The following LDLRAD4 variants were observed in gnomAD, a reference collection of about 807,000 sequenced individuals.
LDLRAD4 encodes the protein low density lipoprotein receptor class A domain containing 4.
A neutral mutation model predicts 17.0 loss-of-function variants in LDLRAD4; 5 were observed. The observed-to-expected ratio is 0.29, with a 90% CI of 0.15 to 0.62. LDLRAD4 has a LOEUF of 0.62. Among genes scored for constraint, LDLRAD4 ranks in the 20% least tolerant of loss-of-function variants. The pLI is 0.84. For synonymous variants in LDLRAD4, 168 were observed against 171.8 expected (o/e 0.98, Z 0.17); for missense variants, 340 against 424.7 (o/e 0.80, Z 1.75).
chr18:13,342,632 A>T (rs1032076751), intron 1 of LDLRAD4, among the ~76,000 whole-genome samples: 14 of 151,124 alleles, frequency 9.3e-5, no homozygotes, highest in Non-Finnish European at 1.6e-4. Flanking sequence ...ATTTTGCCTG[A>T]TATTAGTATA....
intron 3 of LDLRAD4, among the ~76,000 whole-genome samples, chr18:13,503,597 AAGC>A (rs1252581231): frequency 6.6e-6 from 1 of 152,174 alleles, no homozygotes; most frequent in Admixed American, 6.5e-5. Flanking sequence ...ATCCAGTGGA[AAGC>A]AGCCCCATGT....
rs1389821531 is a variant in LDLRAD4 at position 13,483,631 on chromosome 18, T to G, written c.181+45247T>G. Among the ~76,000 whole-genome samples, 3 of 152,302 alleles carry G rather than the reference T, an allele frequency of 2.0e-5. No homozygotes were observed. The East Asian group carries it at 5.8e-4, about 29-fold the overall frequency. On this transcript the variant is annotated intron_variant, in intron 3 of 5. Coordinates refer to ENST00000359446, the Ensembl canonical transcript of LDLRAD4. ...CCCTAGTCGGCAAGCTAGGATGTGTTTGCCGGATGCTTACCAAACGCCAGA... is the reference window on the plus strand; with the variant it reads ...CCCTAGTCGGCAAGCTAGGATGTGTGTGCCGGATGCTTACCAAACGCCAGA...
Position 13,381,076 on chromosome 18 carries a change from G to GTT in LDLRAD4, c.-382-6250_-382-6249dup, listed in dbSNP as rs759672017. Among the ~76,000 whole-genome samples, 162 of 128,442 alleles carry GTT rather than the reference G, an allele frequency of 1.3e-3. 11 individuals are homozygous for GTT. The highest frequency in any genetic ancestry group is 1.9e-3 in the Admixed American group (23 of 12,114). 84.3% of individuals were successfully genotyped at this position (128,442 alleles called of 152,430 possible). A position where few individuals can be genotyped will look rare whatever the true frequency, so the allele number is the denominator to read the frequency against. On this transcript the variant is annotated intron_variant, in intron 1 of 5. Coordinates refer to ENST00000359446, the Ensembl canonical transcript of LDLRAD4. The stretch of plus-strand genomic sequence containing the variant: ...TGTCCCTTTCTTTTGTTTCTCTTTA[G>GTT]TTTTTTTTTTTTTTTTGAAGAGACA...
chr18:13,532,949 G>A (rs1008913262), intron 3 of LDLRAD4, among the ~76,000 whole-genome samples: 3 of 152,210 alleles, frequency 2.0e-5, no homozygotes, highest in African/African-American at 7.2e-5. Flanking sequence ...AGCAATGTCG[G>A]GTTTTCTGAA....
Position 13,622,061 on chromosome 18 carries a change from C to A in LDLRAD4, c.336+790C>A, listed in dbSNP as rs2040708072. 2.6e-5 allele frequency among the ~76,000 whole-genome samples: 4 copies of A among 152,226 alleles called. No individual in the cohort carries two copies. Among genetic ancestry groups the A allele is most frequent in the Admixed American group, 2.6e-4 (4 of 15,290 alleles). ...TCCGTGATGGGCAGCGAGGCCGAGT[C>A]TCCACAGTGTGGAGCCCTGCGGTAT... is the stretch of plus-strand genomic sequence containing the variant. On this transcript the variant is annotated intron_variant, in intron 4 of 5. Coordinates refer to ENST00000359446, the Ensembl canonical transcript of LDLRAD4. The surrounding 1 kb of genome is among the most constrained non-coding windows in gnomAD (Gnocchi z 5.3).
At chr18:13,559,349 C>A (rs10853237) in intron 3 of LDLRAD4, among the ~76,000 whole-genome samples, 91,566 of 152,006 alleles carry the variant, frequency 0.6, 27,694 homozygotes, top group Non-Finnish European at 0.62. Context: ...GAAGAGGGAA[C>A]CTGCCTTGAA....
rs2090644910 is a variant in LDLRAD4 at position 13,436,237 on chromosome 18, A to C, written c.41-2007A>C. On this transcript the variant is annotated intron_variant, in intron 2 of 5. Coordinates refer to ENST00000359446, the Ensembl canonical transcript of LDLRAD4. ...AAGAGGGCTAGCTCATTCACTTCCG[A>C]GTTTCCATGTCTCAGTACCTAGCAC... Among the ~76,000 whole-genome samples, 4 of 152,336 alleles carry C rather than the reference A, an allele frequency of 2.6e-5. No homozygotes were observed. The South Asian group carries it at 8.3e-4, about 32-fold the overall frequency.
At chr18:13,339,942 T>C (rs376317038) in intron 1 of LDLRAD4, among the ~76,000 whole-genome samples, 1 of 152,196 alleles carries the variant, frequency 6.6e-6, no homozygotes, top group East Asian at 1.9e-4. Context: ...CACTAAGCCC[T>C]GATTTTGCCC....
intron 3 of LDLRAD4, among the ~76,000 whole-genome samples, chr18:13,527,676 C>T (rs1306769177): frequency 1.3e-5 from 2 of 152,292 alleles, no homozygotes; most frequent in South Asian, 2.1e-4. Context: ...GAGAGAGCTC[C>T]GCTGGAGGGA....
chr18:13,625,699 C>A (rs1204355640), intron 4 of LDLRAD4, among the ~76,000 whole-genome samples: 6 of 147,722 alleles, frequency 4.1e-5, no homozygotes, highest in Admixed American at 4.0e-4. Context: ...CTCCTCCCCC[C>A]GCCAGAGGCC....
At chr18:13,270,910 G>A (rs921479739) in intron 1 of LDLRAD4, among the ~76,000 whole-genome samples, 1 of 152,180 alleles carries the variant, frequency 6.6e-6, no homozygotes, top group African/African-American at 2.4e-5. Context: ...CCCAGAGTGT[G>A]TTTGTGTACA....
chr18:13,463,492 G>C (rs971567082), intron 3 of LDLRAD4, among the ~76,000 whole-genome samples: 10 of 152,194 alleles, frequency 6.6e-5, no homozygotes, highest in Non-Finnish European at 1.5e-4. Flanking sequence ...GCTCAAACAG[G>C]CTTAAAAACA....
chr18:13,481,126 C>G (rs1331127798), intron 3 of LDLRAD4, among the ~76,000 whole-genome samples: 1 of 152,222 alleles, frequency 6.6e-6, no homozygotes, highest in Non-Finnish European at 1.5e-5. Flanking sequence ...TGAGCCTGAC[C>G]TGGAAGCTGA....
At position 13,645,494 on chromosome 18, in the gene LDLRAD4, C is replaced by T. The variant is rs552566770; in HGVS notation, c.758C>T (p.Pro253Leu). The stretch of plus-strand genomic sequence containing the variant: ...AACGGGAGGATGGAGGGGCCACCCC[C>T]CACATACAGCGAGGTGATGGGCCAC... The change falls in exon 6 of 6, where the codon CCC becomes CTC. Residue 253 changes from proline to leucine, a missense_variant. Pro to Leu is a moderately conservative substitution (Grantham distance 98, BLOSUM62 -3). Transcript: ENST00000359446. This position sits in a 1 kb window ranked among gnomAD's most constrained non-coding sequence, Gnocchi z 5.7. The T allele has an allele frequency of 6.2e-7, 1 of 1,610,682 alleles. No individual in the cohort carries two copies. The highest frequency in any genetic ancestry group is 1.3e-5 in the African/African-American group (1 of 75,012).
intron 2 of LDLRAD4, among the ~76,000 whole-genome samples, chr18:13,435,447 T>C (rs2146110126): frequency 6.6e-6 from 1 of 152,312 alleles, no homozygotes; most frequent in African/African-American, 2.4e-5. Context: ...TTGATTTTTT[T>C]TAATTTTTAA....
At chr18:13,499,166 G>C (rs758303443) in intron 3 of LDLRAD4, among the ~76,000 whole-genome samples, 1 of 149,840 alleles carries the variant, frequency 6.7e-6, no homozygotes, top group African/African-American at 2.5e-5. Flanking sequence ...ACGTCGCGCC[G>C]TGGACACTGG....
chr18:13,431,241 C>G lies in LDLRAD4; in HGVS notation c.41-7003C>G, dbSNP rs530999683. ...GGGTGACGTCGTTTCAAACTCTTCT[C>G]CCATGTCCATTGCACTTATTGATAT... is the stretch of plus-strand genomic sequence containing the variant. On this transcript the variant is annotated intron_variant, in intron 2 of 5. Transcript: ENST00000359446. Among the ~76,000 whole-genome samples the G allele has an allele frequency of 3.3e-5, 5 of 152,322 alleles. No individual in the cohort carries two copies. The South Asian group carries it at 1.0e-3, about 32-fold the overall frequency.
At chr18:13,226,179 G>GTTTTTTTTTTTTTTTT (rs1243883704) in intron 1 of LDLRAD4, among the ~76,000 whole-genome samples, 2 of 11,476 alleles carry the variant, frequency 1.7e-4, no homozygotes, top group African/African-American at 1.9e-4. Context: ...GCCATGCCTT[G>GTTTTTTTTTTTTTTTT]CTTTTTTTTT....
chr18:13,516,687 G>A (rs190118591), intron 3 of LDLRAD4, among the ~76,000 whole-genome samples: 327 of 152,284 alleles, frequency 2.1e-3, no homozygotes, highest in Non-Finnish European at 3.7e-3. Flanking sequence ...TATAAATTCT[G>A]TATAAGGTCA....
Sources: gnomAD v4.1 joint callset for allele counts (sites outside exome capture counted in the v4.1 genomes callset) on GRCh38, gnomAD v4.1.1 for gene constraint, Gnocchi (gnomAD v3.1) non-coding constraint, MANE v1.5 for transcripts, NCBI Gene and HGNC (gene_info 2026-07-23, HGNC 2026-07-21) for gene names.